Variants in RERE observed in about 807,000 individuals in gnomAD.
RERE encodes the protein arginine-glutamic acid dipeptide repeats protein.
In RERE, 40 loss-of-function variants were observed where a neutral mutation model predicts 146.1. That is an observed-to-expected ratio of 0.27 (90% CI 0.21 to 0.36). The LOEUF is 0.36. RERE is among the 10% of genes least tolerant of loss of function. The pLI is 1.00. For synonymous variants in RERE, 1,003 were observed against 866.0 expected, an observed-to-expected ratio of 1.16 and a Z score of -2.78; for missense variants, 1,933 against 2,138.7, an observed-to-expected ratio of 0.90 and a Z score of 1.90.
chr1:8,507,700 C>T (rs1645273539), intron 8 of RERE, among the ~76,000 whole-genome samples: 1 of 150,672 alleles, frequency 6.6e-6, no homozygotes, highest in Non-Finnish European at 1.5e-5. Flanking sequence ...AGAGCCACCA[C>T]GCCCAGCCGG....
chr1:8,477,595 C>T (rs1276244226), intron 10 of RERE, among the ~76,000 whole-genome samples: 4 of 152,170 alleles, frequency 2.6e-5, no homozygotes, highest in Non-Finnish European at 5.9e-5. Context: ...CACTAGTGAA[C>T]CTACTCATAC....
At chr1:8,565,813 T>C (rs527630272) in intron 4 of RERE, among the ~76,000 whole-genome samples, 2 of 152,250 alleles carry the variant, frequency 1.3e-5, no homozygotes, top group African/African-American at 4.8e-5. Context: ...GAAAGAGGTA[T>C]AGAAAAACCT....
chr1:8,770,361 A>G (rs772543727), intron 1 of RERE, among the ~76,000 whole-genome samples: 8 of 152,198 alleles, frequency 5.3e-5, no homozygotes, highest in Non-Finnish European at 1.2e-4. Flanking sequence ...CCCATGGATT[A>G]TGGATAATTA....
At chr1:8,392,534 AT>A (rs1170312141) in intron 12 of RERE, among the ~76,000 whole-genome samples, 13 of 152,094 alleles carry the variant, frequency 8.5e-5, no homozygotes, top group African/African-American at 2.4e-4. Flanking sequence ...AAGACAAAAC[AT>A]TTGCCTTTTC....
At chr1:8,439,743 A>G (rs1180343447) in intron 11 of RERE, among the ~76,000 whole-genome samples, 1 of 152,226 alleles carries the variant, frequency 6.6e-6, no homozygotes, top group African/African-American at 2.4e-5. Context: ...ATGCAGGACA[A>G]TAACAGGTCT....
At chr1:8,595,493 T>C (rs1453404282) in intron 4 of RERE, among the ~76,000 whole-genome samples, 4 of 151,596 alleles carry the variant, frequency 2.6e-5, no homozygotes. Flanking sequence ...TATTTTAATG[T>C]ATTTATTTTT....
chr1:8,563,544 A>G (rs1048663614), intron 4 of RERE, among the ~76,000 whole-genome samples: 6 of 152,226 alleles, frequency 3.9e-5, no homozygotes, highest in African/African-American at 1.4e-4. Context: ...GTGTTATCAA[A>G]TGTGACAGAG....
At chr1:8,454,555 C>A (rs1644428608) in intron 11 of RERE, among the ~76,000 whole-genome samples, 1 of 152,022 alleles carries the variant, frequency 6.6e-6, no homozygotes, top group Non-Finnish European at 1.5e-5. Context: ...GCCTGTAATG[C>A]CAGCACTTTG....
At chr1:8,465,598 G>A in intron 11 of RERE, 1 of 389,804 alleles carries the variant, frequency 2.6e-6, no homozygotes, top group Non-Finnish European at 5.0e-6. Context: ...TTAACATGCT[G>A]TCTTTAAATA....
chr1:8,749,749 AATCTGTATTTTAC>A (rs1312860443), intron 1 of RERE, among the ~76,000 whole-genome samples: 3 of 152,190 alleles, frequency 2.0e-5, no homozygotes, highest in African/African-American at 7.2e-5. Context: ...GAGGAAAAAA[AATCTGTATTTTAC>A]TCCCAGCAGA....
chr1:8,426,078 TTC>T (rs1205668070), intron 11 of RERE, among the ~76,000 whole-genome samples: 1 of 152,150 alleles, frequency 6.6e-6, no homozygotes, highest in Non-Finnish European at 1.5e-5. Context: ...GGTAACTATT[TTC>T]TGTTACCATT....
At chr1:8,433,781 C>G (rs902226777) in intron 11 of RERE, among the ~76,000 whole-genome samples, 1 of 151,424 alleles carries the variant, frequency 6.6e-6, no homozygotes, top group African/African-American at 2.4e-5. Flanking sequence ...AGGATGGTCT[C>G]GATCTCCTGA....
Position 8,516,227 on chromosome 1 carries a change from GAAAA to G in RERE, c.831-7556_831-7553del, listed in dbSNP as rs58064164. Among the ~76,000 whole-genome samples the G allele has an allele frequency of 1.7e-3, 88 of 52,306 alleles. 3 individuals are homozygous for G. The highest frequency in any genetic ancestry group is 6.5e-3 in the African/African-American group (76 of 11,626). The allele number at this position is 52,306 out of a possible 152,430, so 34.3% of individuals were successfully genotyped here. A position where few individuals can be genotyped will look rare whatever the true frequency, so the allele number is the denominator to read the frequency against. ...GGGACGGAGCAAGACTCTCTCAGAG[GAAAA>G]AAAAAAAAAAAAAAAAAATCTAGGT... On this transcript the variant is annotated intron_variant, in intron 7 of 22. Transcript: ENST00000400908.
intron 10 of RERE, among the ~76,000 whole-genome samples, chr1:8,478,242 G>C (rs12409937): frequency 0.17 from 25,300 of 152,150 alleles, 2,359 homozygotes; most frequent in Middle Eastern, 0.29. Flanking sequence ...TCTAACAGTT[G>C]CACATTCTTT....
intron 12 of RERE, among the ~76,000 whole-genome samples, chr1:8,420,182 T>G (rs1370272789): frequency 6.6e-6 from 1 of 152,204 alleles, no homozygotes; most frequent in Non-Finnish European, 1.5e-5. Context: ...GAAGAAAATG[T>G]AAGCCAGGCA....
intron 12 of RERE, among the ~76,000 whole-genome samples, chr1:8,420,629 A>G (rs1478458503): frequency 6.6e-6 from 1 of 152,242 alleles, no homozygotes; most frequent in African/African-American, 2.4e-5. Flanking sequence ...GACACTATGA[A>G]TATTTAGCAA....
chr1:8,421,005 A>G (rs542469212), intron 12 of RERE, among the ~76,000 whole-genome samples: 31 of 152,374 alleles, frequency 2.0e-4, no homozygotes, highest in Admixed American at 6.5e-4. Flanking sequence ...TGCTTCCACT[A>G]CGGAGATAAA....
chr1:8,526,993 G>A (rs1450573964), intron 7 of RERE, among the ~76,000 whole-genome samples: 4 of 152,176 alleles, frequency 2.6e-5, no homozygotes, highest in Admixed American at 6.5e-5. Context: ...AAAGGGCAGT[G>A]CCAATTCTGT....
rs77292410 is a variant in RERE, at chr1:8,378,320, C to G, written c.1285-12346G>C. On this transcript the variant is annotated intron_variant, in intron 12 of 22. Transcript: ENST00000400908. The stretch of plus-strand genomic sequence containing the variant: ...TGGCTTCTCTGTGCTCTTGTGTAAA[C>G]GTGCAACCAGAGCCCTCTAGCAAAG... Among the ~76,000 whole-genome samples, 822 of 152,302 alleles carry G rather than the reference C, an allele frequency of 5.4e-3. 6 individuals carry two copies. The highest frequency in any genetic ancestry group is 0.019 in the African/African-American group (790 of 41,570).
Sources: allele counts gnomAD v4.1 joint callset (sites outside exome capture counted in the v4.1 genomes callset), GRCh38; gene constraint gnomAD v4.1.1; transcripts MANE v1.5; gene names NCBI Gene and HGNC (gene_info 2026-07-23, HGNC 2026-07-21).